Variants in NRXN3 observed in about 807,000 individuals in gnomAD.
The protein encoded by NRXN3 is neurexin III.
A neutral mutation model predicts 137.6 loss-of-function variants in NRXN3; 32 were observed. The observed-to-expected ratio is 0.23, with a 90% CI of 0.18 to 0.31. NRXN3 has a LOEUF of 0.31. Ranked by LOEUF, NRXN3 falls within the 10% of genes least tolerant of loss-of-function variation. NRXN3 has a pLI of 1.00. For missense variants in NRXN3, 1,574 were observed against 2,062.5 expected, an observed-to-expected ratio of 0.76 and a Z score of 4.59; for synonymous variants, 798 against 784.5, an observed-to-expected ratio of 1.02 and a Z score of -0.29.
At chr14:78,781,868 C>A (rs1378585049) in intron 8 of NRXN3, among the ~76,000 whole-genome samples, 1 of 152,118 alleles carries the variant, frequency 6.6e-6, no homozygotes, top group African/African-American at 2.4e-5. Flanking sequence ...ATAATACAAA[C>A]CAAAACAAAA....
chr14:78,771,510 G>A (rs1393059014), intron 8 of NRXN3, among the ~76,000 whole-genome samples: 1 of 152,208 alleles, frequency 6.6e-6, no homozygotes, highest in Non-Finnish European at 1.5e-5. Context: ...TGCAGAGAAA[G>A]AAGATCTCCT....
At chr14:78,841,165 C>T (rs753131557) in intron 10 of NRXN3, among the ~76,000 whole-genome samples, 1 of 152,062 alleles carries the variant, frequency 6.6e-6, no homozygotes, top group Non-Finnish European at 1.5e-5. Flanking sequence ...TTGTTTTGAT[C>T]GAGCTGAGAA....
chr14:79,540,660 A>G (rs2097263733), intron 16 of NRXN3, among the ~76,000 whole-genome samples: 1 of 152,220 alleles, frequency 6.6e-6, no homozygotes, highest in East Asian at 1.9e-4. Flanking sequence ...GATCAAGGAA[A>G]GCACAGGTTG....
intron 16 of NRXN3, among the ~76,000 whole-genome samples, chr14:79,575,856 T>C (rs1030044406): frequency 6.6e-6 from 1 of 152,182 alleles, no homozygotes; most frequent in Non-Finnish European, 1.5e-5. Flanking sequence ...TATAATCCAA[T>C]TGGGAAGATA....
intron 19 of NRXN3, among the ~76,000 whole-genome samples, chr14:79,708,498 GTT>G (rs35950634): frequency 1.3e-4 from 19 of 146,230 alleles, no homozygotes; most frequent in African/African-American, 4.0e-4. Flanking sequence ...GGTAAGAATT[GTT>G]TTTTTTTTTT....
At chr14:79,555,547 T>C (rs1472561207) in intron 16 of NRXN3, among the ~76,000 whole-genome samples, 1 of 152,104 alleles carries the variant, frequency 6.6e-6, no homozygotes, top group East Asian at 1.9e-4. Context: ...AATAGGAATA[T>C]ATACACTTTA....
rs577139949 is a variant in NRXN3 at position 78,482,973 on chromosome 14, C to T, written c.758-162147C>T. The stretch of plus-strand genomic sequence containing the variant: ...GCCTGTCTTTGATGTGTTCTAGTAC[C>T]CATCTTCCTGTCTCCATCCCCAGCA... On this transcript the variant is annotated intron_variant, in intron 4 of 20. Coordinates refer to ENST00000335750, the MANE Select transcript of NRXN3 (RefSeq NM_001330195.2). Among the ~76,000 whole-genome samples the T allele has an allele frequency of 1.4e-4, 22 of 152,170 alleles. 1 individual carries two copies. The highest frequency in any genetic ancestry group is 4.6e-4 in the African/African-American group (19 of 41,520).
At position 78,243,721 on chromosome 14, in the gene NRXN3, G is replaced by A. The variant is rs1293047610; in HGVS notation, c.628G>A (p.Gly210Ser). ...GPCGERPCEN[G>S]GICFLLDGHP... ...CTGTGGTGAGCGTCCCTGTGAAAAT[G>A]GTGGGATCTGCTTTCTCCTGGACGG... Residue 210 changes from glycine to serine, a missense_variant, in exon 2 of 21, where the codon GGT (glycine) becomes AGT (serine). By Grantham distance (56) the Gly-to-Ser change is moderately conservative. Transcript: ENST00000335750. This position sits in a 1 kb window ranked among gnomAD's most constrained non-coding sequence, Gnocchi z 4.2. The A allele has an allele frequency of 2.5e-6, 4 of 1,598,238 alleles. No individual in the cohort carries two copies. Among genetic ancestry groups the A allele is most frequent in the Non-Finnish European group, 3.4e-6 (4 of 1,179,792 alleles).
intron 10 of NRXN3, among the ~76,000 whole-genome samples, chr14:78,834,307 C>G (rs114577101): frequency 0.018 from 2,671 of 152,116 alleles, 38 homozygotes; most frequent in East Asian, 0.059. Context: ...GAGGTGGGCA[C>G]AAAGAAGAAA....
intron 15 of NRXN3, among the ~76,000 whole-genome samples, chr14:79,078,050 T>C (rs2046279571): frequency 6.6e-6 from 1 of 152,152 alleles, no homozygotes; most frequent in African/African-American, 2.4e-5. Flanking sequence ...TTTATATTGG[T>C]TGAAATGGCA....
intron 7 of NRXN3, among the ~76,000 whole-genome samples, chr14:78,713,945 A>G (rs1353974971): frequency 6.6e-6 from 1 of 152,194 alleles, no homozygotes; most frequent in African/African-American, 2.4e-5. Flanking sequence ...CAGCCAAACC[A>G]TATCATTTAT....
chr14:78,518,463 T>A (rs187775092), intron 4 of NRXN3, among the ~76,000 whole-genome samples: 1 of 152,188 alleles, frequency 6.6e-6, no homozygotes, highest in African/African-American at 2.4e-5. Flanking sequence ...TTGCTCCATA[T>A]GTGACATAAA....
intron 15 of NRXN3, among the ~76,000 whole-genome samples, chr14:79,075,983 T>A (rs78278379): frequency 6.6e-6 from 1 of 152,178 alleles, no homozygotes; most frequent in African/African-American, 2.4e-5. Flanking sequence ...GAGCCTTTTT[T>A]AGCTGTGCTC....
intron 15 of NRXN3, chr14:79,280,222 T>C (rs1016282691): frequency 3.1e-6 from 5 of 1,591,118 alleles, no homozygotes; most frequent in African/African-American, 2.7e-5. Context: ...CCCTTGGGCA[T>C]CATGAACTTC....
chr14:79,558,319 G>A (rs561057673), intron 16 of NRXN3, among the ~76,000 whole-genome samples: 40 of 152,170 alleles, frequency 2.6e-4, no homozygotes, highest in East Asian at 9.7e-4. Flanking sequence ...AATGTACTTC[G>A]TCCAGATCCA....
intron 19 of NRXN3, among the ~76,000 whole-genome samples, chr14:79,784,610 GTTGCT>G (rs1437731600): frequency 9.3e-5 from 9 of 97,210 alleles, no homozygotes; most frequent in Non-Finnish European, 1.5e-4. Flanking sequence ...TTTTTGTTGT[GTTGCT>G]TTTTTTTTTT....
At chr14:79,049,200 A>T (rs2099638378) in intron 15 of NRXN3, among the ~76,000 whole-genome samples, 1 of 151,802 alleles carries the variant, frequency 6.6e-6, no homozygotes, top group African/African-American at 2.4e-5. Context: ...CAAAATTTTC[A>T]AAATTGGAGC....
chr14:79,832,730 T>C (rs529079054), intron 20 of NRXN3, among the ~76,000 whole-genome samples: 11 of 152,072 alleles, frequency 7.2e-5, no homozygotes, highest in Non-Finnish European at 1.3e-4. Context: ...AGGATTCCTA[T>C]GGGGCTCAAC....
At chr14:79,692,034 C>G in intron 17 of NRXN3, 139 bp from the exon 18 acceptor site, 1 of 610,134 alleles carries the variant, frequency 1.6e-6, no homozygotes. Context: ...GGCAGAGTGA[C>G]TTCAACTCCA....
Sources: gnomAD v4.1 joint callset for allele counts (sites outside exome capture counted in the v4.1 genomes callset) on GRCh38, gnomAD v4.1.1 for gene constraint, Gnocchi (gnomAD v3.1) non-coding constraint, MANE v1.5 for transcripts, NCBI Gene and HGNC (gene_info 2026-07-23, HGNC 2026-07-21) for gene names.